Variants in SAMMSON observed in about 807,000 individuals in gnomAD.
SAMMSON encodes long intergenic non-protein coding RNA 1212.
chr3:70,258,244 T>G (rs748594642), intron 6 of SAMMSON, among the ~76,000 whole-genome samples: 1 of 152,180 alleles, frequency 6.6e-6, no homozygotes, highest in Non-Finnish European at 1.5e-5. Flanking sequence ...CAACAATTTC[T>G]TAGATCAGAC....
intron 9 of SAMMSON, among the ~76,000 whole-genome samples, chr3:70,384,575 A>G (rs745910783): frequency 3.3e-5 from 5 of 152,038 alleles, no homozygotes; most frequent in Admixed American, 6.6e-5. Flanking sequence ...GAGGCAAATT[A>G]TTGTAAATCC....
intron 6 of SAMMSON, among the ~76,000 whole-genome samples, chr3:70,280,361 G>A (rs980777118): frequency 6.6e-6 from 1 of 152,112 alleles, no homozygotes; most frequent in Non-Finnish European, 1.5e-5. Flanking sequence ...AATATGTACA[G>A]GTTCCAGGAA....
At chr3:70,421,415 C>T (rs1008887285) in intron 2 of SAMMSON, among the ~76,000 whole-genome samples, 2 of 151,974 alleles carry the variant, frequency 1.3e-5, no homozygotes, top group African/African-American at 2.4e-5. Context: ...TCTTATGCTC[C>T]AATTGATATA....
intron 9 of SAMMSON, among the ~76,000 whole-genome samples, chr3:70,361,261 T>A (rs1311524472): frequency 6.6e-6 from 1 of 152,192 alleles, no homozygotes; most frequent in African/African-American, 2.4e-5. Flanking sequence ...TCTCTTTAAG[T>A]ACTTGGTAAA....
chr3:70,111,071 T>C (rs992722913), intron 4 of SAMMSON, among the ~76,000 whole-genome samples: 1 of 152,160 alleles, frequency 6.6e-6, no homozygotes, highest in African/African-American at 2.4e-5. Context: ...TGTCTCTTGG[T>C]CCATTGAAAA....
chr3:70,244,257 G>C (rs1343409369), intron 4 of SAMMSON, among the ~76,000 whole-genome samples: 1 of 152,188 alleles, frequency 6.6e-6, no homozygotes, highest in African/African-American at 2.4e-5. Context: ...TTACCGTGAT[G>C]AGTATTCTCT....
intron 4 of SAMMSON, among the ~76,000 whole-genome samples, chr3:70,243,696 C>T (rs1159187888): frequency 6.6e-6 from 1 of 152,118 alleles, no homozygotes; most frequent in East Asian, 1.9e-4. Context: ...GTATTCCTAA[C>T]GTCCCCTGGG....
chr3:70,098,972 A>G (rs886531144), intron 4 of SAMMSON, among the ~76,000 whole-genome samples: 7 of 152,166 alleles, frequency 4.6e-5, no homozygotes, highest in African/African-American at 1.7e-4. Flanking sequence ...GATAAGGCTT[A>G]TATCTTTCTG....
At chr3:70,040,296 A>G (rs770602369) in intron 3 of SAMMSON, among the ~76,000 whole-genome samples, 2 of 152,206 alleles carry the variant, frequency 1.3e-5, no homozygotes, top group African/African-American at 2.4e-5. Context: ...ATTTAAAATC[A>G]TATGAGGCTA....
At chr3:70,260,106 C>T (rs1385978187) in intron 6 of SAMMSON, among the ~76,000 whole-genome samples, 1 of 152,168 alleles carries the variant, frequency 6.6e-6, no homozygotes, top group Non-Finnish European at 1.5e-5. Flanking sequence ...TATCAATTGG[C>T]TTACAGTTCT....
chr3:70,265,833 C>T (rs903082425), intron 6 of SAMMSON, among the ~76,000 whole-genome samples: 6 of 152,150 alleles, frequency 3.9e-5, no homozygotes, highest in African/African-American at 1.4e-4. Flanking sequence ...GAATGAGTGC[C>T]AGCCGGGGAA....
At chr3:70,275,278 T>C (rs1702012586) in intron 6 of SAMMSON, among the ~76,000 whole-genome samples, 1 of 152,148 alleles carries the variant, frequency 6.6e-6, no homozygotes, top group Admixed American at 6.5e-5. Context: ...ATCTCAGCAC[T>C]TTGGCAGGCC....
At chr3:70,081,376 G>A (rs2067267792) in intron 4 of SAMMSON, among the ~76,000 whole-genome samples, 1 of 152,198 alleles carries the variant, frequency 6.6e-6, no homozygotes, top group East Asian at 1.9e-4. Context: ...GCCTCCCAAA[G>A]TGGAGGGATT....
At chr3:70,076,951 T>C (rs538557966) in intron 4 of SAMMSON, among the ~76,000 whole-genome samples, 1 of 152,290 alleles carries the variant, frequency 6.6e-6, no homozygotes, top group South Asian at 2.1e-4. Context: ...TAAGAGGCAG[T>C]GTGACAAATC....
chr3:70,221,074 C>A (rs1701457158), intron 4 of SAMMSON, among the ~76,000 whole-genome samples: 1 of 152,104 alleles, frequency 6.6e-6, no homozygotes, highest in Non-Finnish European at 1.5e-5. Context: ...ATAACTAGCA[C>A]TGGTGAAATA....
At chr3:70,395,976 T>C (rs1701089717) in intron 2 of SAMMSON, among the ~76,000 whole-genome samples, 2 of 152,152 alleles carry the variant, frequency 1.3e-5, no homozygotes, top group Admixed American at 1.3e-4. Context: ...GTTTTCTCTT[T>C]TTAAAACTTC....
chr3:70,367,067 T>C (rs781778268), intron 9 of SAMMSON, among the ~76,000 whole-genome samples: 1 of 151,720 alleles, frequency 6.6e-6, no homozygotes, highest in Non-Finnish European at 1.5e-5. Flanking sequence ...TTATGGAGTA[T>C]CTGTGGTGTT....
At chr3:70,172,045 T>G (rs1700961611) in intron 4 of SAMMSON, among the ~76,000 whole-genome samples, 3 of 151,944 alleles carry the variant, frequency 2.0e-5, no homozygotes, top group African/African-American at 7.2e-5. Context: ...CTGGGGAGAA[T>G]CTGCTAAACA....
At chr3:70,284,701 C>A (rs766043425) in intron 6 of SAMMSON, among the ~76,000 whole-genome samples, 8 of 152,092 alleles carry the variant, frequency 5.3e-5, no homozygotes, top group Non-Finnish European at 8.8e-5. Context: ...ACAATGAGAA[C>A]ACATGGCCAC....
Sources: allele counts gnomAD v4.1 joint callset (sites outside exome capture counted in the v4.1 genomes callset), GRCh38; gene constraint gnomAD v4.1.1; transcripts MANE v1.5; gene names NCBI Gene and HGNC (gene_info 2026-07-23, HGNC 2026-07-21).